Variants in NFIA observed in about 807,000 individuals in gnomAD.
The protein encoded by NFIA is nuclear factor I A, also known as nuclear factor 1 A-type.
Under a neutral mutation model 62.8 loss-of-function variants are expected in NFIA, and 8 were observed. The ratio of observed to expected loss-of-function variants is 0.13; its 90% CI spans 0.07 to 0.23. NFIA has a LOEUF of 0.23. Among genes scored for constraint, NFIA ranks in the 10% least tolerant of loss-of-function variants. The pLI, the probability that NFIA is intolerant of heterozygous loss-of-function variation, is 1.00. For missense variants in NFIA, 410 were observed against 642.1 expected, an observed-to-expected ratio of 0.64 and a Z score of 3.91; for synonymous variants, 235 against 238.1, an observed-to-expected ratio of 0.99 and a Z score of 0.12.
chr1:61,399,959 A>G (rs1665469891), intron 7 of NFIA, among the ~76,000 whole-genome samples: 1 of 152,206 alleles, frequency 6.6e-6, no homozygotes, highest in African/African-American at 2.4e-5. Flanking sequence ...TTTTAACGGA[A>G]GAAGCATTTT....
intron 2 of NFIA, among the ~76,000 whole-genome samples, chr1:61,106,963 TA>T (rs1374808689): frequency 6.6e-6 from 1 of 151,416 alleles, no homozygotes; most frequent in Non-Finnish European, 1.5e-5. Flanking sequence ...CATATATATA[TA>T]TAAATACATA....
At chr1:61,148,515 A>G (rs1056717501) in intron 2 of NFIA, among the ~76,000 whole-genome samples, 4 of 152,086 alleles carry the variant, frequency 2.6e-5, no homozygotes, top group Admixed American at 2.0e-4. Flanking sequence ...TCATATCTCT[A>G]TGATAACATA....
At chr1:61,126,777 C>CTTT (rs56255004) in intron 2 of NFIA, among the ~76,000 whole-genome samples, 22 of 87,324 alleles carry the variant, frequency 2.5e-4, no homozygotes, top group African/African-American at 8.6e-4. Context: ...TGTCAGATTC[C>CTTT]TTTTTTTTTT....
In NFIA at chr1:61,429,231, T is replaced by G. The variant is rs189675979; in HGVS notation, c.1512+2675T>G. On this transcript the variant is annotated intron_variant, in intron 10 of 10. Coordinates refer to ENST00000403491, the MANE Select transcript of NFIA (RefSeq NM_001134673.4). ...TATAGCTTCTACTGGGCATTTTCTA[T>G]GTACTAAATCCATCAAGTATGTGAT... Among the ~76,000 whole-genome samples, 5 of 152,346 alleles carry G rather than the reference T, an allele frequency of 3.3e-5. No individual in the cohort carries two copies. In the East Asian group the frequency reaches 9.6e-4, roughly 29 times the overall value.
At chr1:61,193,902 C>A (rs1323836493) in intron 2 of NFIA, among the ~76,000 whole-genome samples, 1 of 152,078 alleles carries the variant, frequency 6.6e-6, no homozygotes, top group Admixed American at 6.5e-5. Context: ...CTCCTTATGC[C>A]TACATTTTTA....
chr1:61,423,643 CTG>C (rs1666736740), intron 9 of NFIA, among the ~76,000 whole-genome samples: 2 of 152,104 alleles, frequency 1.3e-5, no homozygotes, highest in Non-Finnish European at 2.9e-5. Context: ...AAGCTCTTAA[CTG>C]TGCATGTATA....
chr1:61,383,461 T>C, intron 7 of NFIA, 96 bp downstream of exon 7: 2 of 1,464,736 alleles, frequency 1.4e-6, no homozygotes, highest in Admixed American at 3.8e-5. Flanking sequence ...CCCTGAACAC[T>C]CGTGAGGCAG....
intron 2 of NFIA, among the ~76,000 whole-genome samples, chr1:61,207,681 G>A (rs1445672965): frequency 6.6e-6 from 1 of 152,188 alleles, no homozygotes; most frequent in Admixed American, 6.5e-5. Flanking sequence ...TGTGAAGTGG[G>A]ATTTTTGTGG....
At chr1:61,140,279 A>C (rs1270318541) in intron 2 of NFIA, among the ~76,000 whole-genome samples, 1 of 143,890 alleles carries the variant, frequency 6.9e-6, no homozygotes, top group Non-Finnish European at 1.5e-5. Context: ...TCAACATTCC[A>C]TGCTACTGCC....
chr1:61,251,889 T>TA (rs1309515171), intron 2 of NFIA, among the ~76,000 whole-genome samples: 1 of 152,194 alleles, frequency 6.6e-6, no homozygotes, highest in South Asian at 2.1e-4. Context: ...TCGTGTTCTT[T>TA]AAATATATTT....
intron 2 of NFIA, among the ~76,000 whole-genome samples, chr1:61,151,399 T>C (rs1243628612): frequency 1.3e-5 from 2 of 150,122 alleles, no homozygotes; most frequent in African/African-American, 4.9e-5. Context: ...TTTTTTTTCT[T>C]AATTTTATCA....
intron 2 of NFIA, among the ~76,000 whole-genome samples, chr1:61,204,179 TGAA>T (rs1211629372): frequency 6.6e-6 from 1 of 152,214 alleles, no homozygotes; most frequent in Non-Finnish European, 1.5e-5. Context: ...CTGGCCCTCT[TGAA>T]GTGTATCTAG....
intron 2 of NFIA, among the ~76,000 whole-genome samples, chr1:61,264,022 TAC>T (rs1175847673): frequency 1.3e-5 from 2 of 152,006 alleles, no homozygotes; most frequent in Non-Finnish European, 2.9e-5. Context: ...TTATAAATGA[TAC>T]AGAGTTGAAT....
chr1:61,441,331 G>C (rs5774563), intron 10 of NFIA, among the ~76,000 whole-genome samples: 37,879 of 142,114 alleles, frequency 0.27, 5,736 homozygotes, highest in East Asian at 0.43. Context: ...GTGTGTGTGT[G>C]TGTCTGTCTG....
At chr1:61,402,689 G>A (rs916769726) in intron 7 of NFIA, among the ~76,000 whole-genome samples, 2 of 152,172 alleles carry the variant, frequency 1.3e-5, no homozygotes, top group East Asian at 1.9e-4. Flanking sequence ...TGTTTCTTGA[G>A]CCCATAGTAG....
upstream of NFIA, chr1:61,081,781 C>G (rs187633465): frequency 7.9e-6 from 10 of 1,272,670 alleles, no homozygotes; most frequent in South Asian, 1.5e-4. Flanking sequence ...AGGACCGAAG[C>G]TGCACAAAGT....
intron 10 of NFIA, among the ~76,000 whole-genome samples, chr1:61,445,783 G>T (rs1294234873): frequency 6.6e-6 from 1 of 152,112 alleles, no homozygotes; most frequent in Admixed American, 6.5e-5. Flanking sequence ...TACATTTTAG[G>T]CCTGTGTCTG....
At chr1:61,220,505 T>C (rs1032775365) in intron 2 of NFIA, among the ~76,000 whole-genome samples, 4 of 152,244 alleles carry the variant, frequency 2.6e-5, no homozygotes. Context: ...AGTTTGTCAG[T>C]ATAGTTAAAA....
At chr1:61,399,794 CCTCTTAAGAGCACTCTTATGTGTCTACAA>C (rs1485041223) in intron 7 of NFIA, among the ~76,000 whole-genome samples, 1 of 152,170 alleles carries the variant, frequency 6.6e-6, no homozygotes, top group East Asian at 1.9e-4. Context: ...AGTTCTGACT[CCTCTTAAGAGCACTCTTATGTGTCTACAA>C]GACCTCCTCC....
Sources: allele counts gnomAD v4.1 joint callset (sites outside exome capture counted in the v4.1 genomes callset), GRCh38; gene constraint gnomAD v4.1.1; transcripts MANE v1.5; gene names NCBI Gene and HGNC (gene_info 2026-07-23, HGNC 2026-07-21).